Variants in CYLD observed in about 807,000 individuals in gnomAD.
CYLD encodes CYLD lysine 63 deubiquitinase.
A neutral mutation model predicts 104.5 loss-of-function variants in CYLD; 26 were observed. The observed-to-expected ratio is 0.25, with a 90% CI of 0.18 to 0.35. CYLD has a LOEUF of 0.35. Ranked by LOEUF, CYLD falls within the 10% of genes least tolerant of loss-of-function variation. The pLI, the probability that CYLD is intolerant of heterozygous loss-of-function variation, is 1.00. For missense variants in CYLD, 703 were observed against 1,136.1 expected (o/e 0.62, Z 5.48); for synonymous variants, 385 against 399.9 (o/e 0.96, Z 0.45).
chr16:50,773,075 A>C (rs578192753), intron 5 of CYLD, among the ~76,000 whole-genome samples: 1 of 152,258 alleles, frequency 6.6e-6, no homozygotes, highest in East Asian at 1.9e-4. Flanking sequence ...AGTAAACTGT[A>C]TTTTCTTCAC....
chr16:50,751,960 ATATG>A, intron 4 of CYLD, 54 bp downstream of exon 4: 1 of 567,368 alleles, frequency 1.8e-6, no homozygotes, highest in Non-Finnish European at 2.6e-6. Flanking sequence ...GTTTATATAT[ATATG>A]TATATATATA....
intron 5 of CYLD, among the ~76,000 whole-genome samples, chr16:50,762,692 A>G (rs1968084994): frequency 6.6e-6 from 1 of 152,252 alleles, no homozygotes; most frequent in Non-Finnish European, 1.5e-5. Context: ...TGACATTTCT[A>G]TGATATTAAA....
Position 50,779,338 on chromosome 16 carries a change from G to A in CYLD, c.1139-327G>A, listed in dbSNP as rs560278505. Among the ~76,000 whole-genome samples, 14 of 152,020 alleles carry A rather than the reference G, an allele frequency of 9.2e-5. No homozygotes were observed. The East Asian group carries it at 1.2e-3, about 13-fold the overall frequency. On this transcript the variant is annotated intron_variant, in intron 8 of 18. Coordinates refer to ENST00000427738, the MANE Select transcript of CYLD (RefSeq NM_001378743.1). ...TTTGATCCATTAGATATATAGAAGC[G>A]TTTCTTAAGGTTTTCGGTATCTTTT... is the stretch of plus-strand genomic sequence containing the variant.
intron 5 of CYLD, among the ~76,000 whole-genome samples, chr16:50,766,096 C>A (rs1358358084): frequency 1.3e-5 from 2 of 152,216 alleles, no homozygotes; most frequent in South Asian, 4.1e-4. Context: ...AAGATACCAT[C>A]TAAGACTTTC....
intron 5 of CYLD, among the ~76,000 whole-genome samples, chr16:50,758,817 G>A (rs1364993713): frequency 6.6e-6 from 1 of 152,072 alleles, no homozygotes; most frequent in African/African-American, 2.4e-5. Flanking sequence ...TGGAAGTCAG[G>A]ATCTTGGTTT....
chr16:50,784,917 G>A (rs575419357), intron 12 of CYLD: 9 of 162,308 alleles, frequency 5.5e-5, no homozygotes, highest in African/African-American at 1.9e-4. Context: ...CAACAGATGA[G>A]ATGTATTTTA....
chr16:50,756,862 TA>T (rs1469109604), intron 5 of CYLD, among the ~76,000 whole-genome samples: 3 of 152,112 alleles, frequency 2.0e-5, no homozygotes, highest in Non-Finnish European at 4.4e-5. Flanking sequence ...TCAAAGTAAA[TA>T]GTAGAGCCAG....
intron 6 of CYLD, among the ~76,000 whole-genome samples, chr16:50,775,488 A>G (rs1052428167): frequency 5.3e-5 from 8 of 152,162 alleles, no homozygotes; most frequent in African/African-American, 1.9e-4. Context: ...AAGTGTTTGT[A>G]TACACATCTG....
rs530648587 is a variant in CYLD at position 50,759,455 on chromosome 16, C to T, written c.913+5031C>T. On this transcript the variant is annotated intron_variant, in intron 5 of 18. Transcript: ENST00000427738. ...ATTCTGATTTTTTCATTAATTATTT[C>T]CTTGCTTTTTATAATTTAATTATAT... Among the ~76,000 whole-genome samples, 20 of 152,166 alleles carry T rather than the reference C, an allele frequency of 1.3e-4. 1 individual carries two copies. Among genetic ancestry groups the T allele is most frequent in the Non-Finnish European group, 2.5e-4 (17 of 68,000 alleles).
chr16:50,794,186 G>A lies in CYLD; in HGVS notation c.2470-26G>A, dbSNP rs768499175. ...CGTGATCCACCAGCCTCGGCCTAAT[G>A]ACATTCTTTTCATGGTCCATTTTAG... On this transcript the variant is annotated intron_variant, in intron 17 of 18. Coordinates refer to ENST00000427738, the MANE Select transcript of CYLD (RefSeq NM_001378743.1). The surrounding 1 kb of genome is among the most constrained non-coding windows in gnomAD (Gnocchi z 4.1). 1.9e-6 allele frequency: 3 copies of A among 1,601,600 alleles called. No individual in the cohort carries two copies. The highest frequency in any genetic ancestry group is 2.6e-6 in the Non-Finnish European group (3 of 1,169,328).
At chr16:50,783,019 G>A (rs1452891486) in intron 11 of CYLD, among the ~76,000 whole-genome samples, 2 of 141,644 alleles carry the variant, frequency 1.4e-5, no homozygotes, top group Non-Finnish European at 3.0e-5. Context: ...CTGCCTCCCA[G>A]GTTCAAGCGA....
intron 14 of CYLD, among the ~76,000 whole-genome samples, chr16:50,790,502 A>G (rs576810042): frequency 3.9e-5 from 6 of 152,082 alleles, no homozygotes; most frequent in Non-Finnish European, 8.8e-5. Flanking sequence ...GCTTTCACAG[A>G]AAAATTCTGG....
In CYLD at chr16:50,796,642, C is replaced by A. The variant is rs2151048462; in HGVS notation, c.*134C>A. The A allele has an allele frequency of 2.1e-6, 2 of 933,308 alleles. No individual in the cohort carries two copies. The highest frequency in any genetic ancestry group is 5.0e-5 in the East Asian group (2 of 39,902). The allele number at this position is 933,308 out of a possible 1,614,324, so 57.8% of individuals were successfully genotyped here. A position where few individuals can be genotyped will look rare whatever the true frequency, so the allele number is the denominator to read the frequency against. On this transcript the variant is annotated 3_prime_UTR_variant, in exon 19 of 19. Transcript: ENST00000427738. The stretch of plus-strand genomic sequence containing the variant: ...GGTGATGATCCTTCAGAAAAGGATG[C>A]CTCTGTTTAAAAACAAATTGCTTTT...
chr16:50,776,153 T>G, intron 6 of CYLD, 26 bp from the exon 7 acceptor site: 1 of 1,540,378 alleles, frequency 6.5e-7, no homozygotes. Context: ...TGCCTTTATC[T>G]TTAAAAAACA....
intron 16 of CYLD, 126 bp downstream of exon 16, chr16:50,792,831 C>A: frequency 1.7e-6 from 1 of 592,768 alleles, no homozygotes; most frequent in Non-Finnish European, 3.0e-6. Context: ...ATCTGAAGAG[C>A]CTGGAAATAT....
chr16:50,779,924 C>T lies in CYLD; in HGVS notation c.1398C>T (p.Asn466=), dbSNP rs1970053937. 6.2e-7 allele frequency: 1 copy of T among 1,613,996 alleles called. No individual in the cohort carries two copies. Among genetic ancestry groups the T allele is most frequent in the Non-Finnish European group, 8.5e-7 (1 of 1,179,860 alleles). The stretch of plus-strand genomic sequence containing the variant: ...CACCCTTGGCCATGCCTCCTGGGAA[C>T]TCACATGGTCTAGAAGTGGGCTCAT... ...ESPPLAMPPG[N]SHGLEVGSLA... Residue 466 remains asparagine (N), a synonymous_variant, in exon 9 of 19, where the codon AAC becomes AAT. Coordinates refer to ENST00000427738, the MANE Select transcript of CYLD (RefSeq NM_001378743.1).
At chr16:50,744,513 A>T (rs1269835012) in intron 2 of CYLD, among the ~76,000 whole-genome samples, 2 of 152,198 alleles carry the variant, frequency 1.3e-5, no homozygotes, top group Admixed American at 1.3e-4. Flanking sequence ...TGTAAGTTTT[A>T]TTCTAATTTA....
At chr16:50,761,741 T>C (rs1597006137) in intron 5 of CYLD, among the ~76,000 whole-genome samples, 1 of 150,264 alleles carries the variant, frequency 6.7e-6, no homozygotes, top group East Asian at 2.0e-4. Flanking sequence ...TTAGTACATA[T>C]CTCTATATCT....
chr16:50,751,645 A>G lies in CYLD; in HGVS notation c.546A>G (p.Gln182=), dbSNP rs1303542542. 6.2e-7 allele frequency: 1 copy of G among 1,613,674 alleles called. No homozygotes were observed. The highest frequency in any genetic ancestry group is 8.5e-7 in the Non-Finnish European group (1 of 1,179,792). ...AAGGTTTCACTGACGGGGTGTACCAAGGGAAACAGCTTTTTCAGTGTGATG... is the reference window on the plus strand; with the variant it reads ...AAGGTTTCACTGACGGGGTGTACCAGGGGAAACAGCTTTTTCAGTGTGATG... The part of the protein sequence containing the change: ...RGQGFTDGVY[Q]GKQLFQCDED... Residue 182 remains glutamine, a synonymous_variant, in exon 4 of 19, where the codon CAA becomes CAG. Coordinates refer to ENST00000427738, the MANE Select transcript of CYLD (RefSeq NM_001378743.1).
Sources: allele counts gnomAD v4.1 joint callset (sites outside exome capture counted in the v4.1 genomes callset), GRCh38; gene constraint gnomAD v4.1.1; non-coding constraint Gnocchi (gnomAD v3.1); transcripts MANE v1.5; gene names NCBI Gene and HGNC (gene_info 2026-07-23, HGNC 2026-07-21).